Variants in FERMT2 observed in about 807,000 individuals in gnomAD.
FERMT2 encodes the protein fermitin family homolog 2.
In FERMT2, 15 loss-of-function variants were observed where a neutral mutation model predicts 82.7. The ratio of observed to expected loss-of-function variants is 0.18; its 90% confidence interval spans 0.12 to 0.28. FERMT2 has a LOEUF of 0.28. Among genes scored for constraint, FERMT2 ranks in the 10% least tolerant of loss-of-function variants. FERMT2 has a pLI of 1.00. For missense variants in FERMT2, 645 were observed against 809.4 expected, an observed-to-expected ratio of 0.80 and a Z score of 2.46; for synonymous variants, 274 against 271.5, an observed-to-expected ratio of 1.01 and a Z score of -0.09.
rs112525961 is a variant in FERMT2, at chr14:52,950,659, A to G, written c.-9-82T>C. 1.5e-4 allele frequency: 217 copies of G among 1,434,870 alleles called. 1 individual carries two copies. Among genetic ancestry groups the G allele is most frequent in the Non-Finnish European group, 1.9e-4 (201 of 1,042,414 alleles). 88.9% of individuals were successfully genotyped at this position (1,434,870 alleles called of 1,614,324 possible). ...TCCCACCGAATTCGCAGCGCCGGCC[A>G]CGGGCTGGGAGGTGGTGGAGGACCC... On this transcript the variant is annotated intron_variant, in intron 1 of 14. Coordinates refer to ENST00000341590, the MANE Select transcript of FERMT2 (RefSeq NM_006832.3).
chr14:52,892,228 G>A (rs1259835101), intron 4 of FERMT2, among the ~76,000 whole-genome samples: 12 of 137,512 alleles, frequency 8.7e-5, no homozygotes, highest in African/African-American at 2.6e-4. Flanking sequence ...TGCAACCTCC[G>A]CCTCCTGGGT....
intron 4 of FERMT2, among the ~76,000 whole-genome samples, chr14:52,892,555 G>A (rs1887007252): frequency 6.7e-6 from 1 of 150,008 alleles, no homozygotes; most frequent in Admixed American, 6.7e-5. Flanking sequence ...CTTGGGTTCA[G>A]GTGATTCTCC....
intron 2 of FERMT2, among the ~76,000 whole-genome samples, chr14:52,944,714 G>C (rs893502691): frequency 1.3e-5 from 2 of 152,168 alleles, no homozygotes; most frequent in Non-Finnish European, 2.9e-5. Context: ...ATTTTTAGTG[G>C]TAACTTTATT....
At position 52,875,210 on chromosome 14, in the gene FERMT2, A is replaced by AG. The variant is rs1566723310; in HGVS notation, c.1098+12dup. 1.9e-6 allele frequency: 3 copies of AG among 1,591,340 alleles called. No homozygotes were observed. In the South Asian group the frequency reaches 3.5e-5, roughly 18 times the overall value. On this transcript the variant is annotated intron_variant, in intron 8 of 14. Transcript: ENST00000341590. ...AAGCTAAATTAGTAGGTAAAAAAAA[A>AG]GATTCACCCTACCAAAATTGTTGAC...
At position 52,872,929 on chromosome 14, in the gene FERMT2, T is replaced by G. The variant is rs754337793; in HGVS notation, c.1149-6A>C. On this transcript the variant is annotated splice_polypyrimidine_tract_variant and splice_region_variant and intron_variant, in intron 9 of 14. Transcript: ENST00000341590. ...TCAGAGTCAGCTTTTTTGGCCTATG[T>G]ATCAAAGAGAATTAACAACAAAATC... 1.9e-6 allele frequency: 3 copies of G among 1,612,174 alleles called. No individual in the cohort carries two copies. The highest frequency in any genetic ancestry group is 2.5e-6 in the Non-Finnish European group (3 of 1,179,152).
intron 4 of FERMT2, among the ~76,000 whole-genome samples, chr14:52,883,682 C>T (rs949627780): frequency 5.3e-5 from 8 of 152,162 alleles, no homozygotes; most frequent in African/African-American, 1.9e-4. Context: ...CTGCCCAAAT[C>T]GCATGTCTAA....
intron 3 of FERMT2, among the ~76,000 whole-genome samples, chr14:52,901,712 G>C (rs891872744): frequency 6.6e-6 from 1 of 152,184 alleles, no homozygotes; most frequent in Non-Finnish European, 1.5e-5. Context: ...GGGAATCTTA[G>C]TCTTACAATC....
At chr14:52,874,121 C>G (rs938447918) in intron 9 of FERMT2, 56 bp downstream of exon 9, 1 of 1,144,886 alleles carries the variant, frequency 8.7e-7, no homozygotes, top group Admixed American at 2.2e-5. Context: ...ATAATGTGAC[C>G]ATGACTATAA....
In FERMT2 at chr14:52,859,690, T is replaced by A; in HGVS notation, c.1752A>T (p.Glu584Asp). The A allele has an allele frequency of 6.3e-7, 1 of 1,597,404 alleles. No homozygotes were observed. The highest frequency in any genetic ancestry group is 1.1e-5 in the South Asian group (1 of 87,414). The change falls in exon 14 of 15, where the codon GAA becomes GAT. Residue 584 changes from glutamate (E) to aspartate (D), a missense_variant. Glu to Asp is a conservative substitution (Grantham distance 45). Coordinates refer to ENST00000341590, the MANE Select transcript of FERMT2 (RefSeq NM_006832.3). ...GTCTGTTGTATGCAATTCCAATAAGTTCTTCTTTTTTGCCCCCTTGGAACC... is the reference window on the plus strand; with the variant it reads ...GTCTGTTGTATGCAATTCCAATAAGATCTTCTTTTTTGCCCCCTTGGAACC... ...IARFQGGKKE[E>D]LIGIAYNRLI...
At chr14:52,941,184 T>C (rs1890073406) in intron 2 of FERMT2, among the ~76,000 whole-genome samples, 1 of 152,210 alleles carries the variant, frequency 6.6e-6, no homozygotes, top group African/African-American at 2.4e-5. Flanking sequence ...ACATGTATTA[T>C]GCTAAGTGAA....
chr14:52,874,152 T>C (rs1885810232), intron 9 of FERMT2, 25 bp downstream of exon 9: 2 of 1,489,730 alleles, frequency 1.3e-6, no homozygotes, highest in Admixed American at 1.9e-5. Context: ...TATTAATATT[T>C]GGCATCCCTC....
Position 52,905,674 on chromosome 14 carries a change from G to T in FERMT2, c.392-12247C>A, listed in dbSNP as rs1361453614. Among the ~76,000 whole-genome samples, 13 of 152,282 alleles carry T rather than the reference G, an allele frequency of 8.5e-5. No individual in the cohort carries two copies. In the East Asian group the frequency reaches 2.5e-3, roughly 29 times the overall value. ...GAGGGCAATGCTAAGGATTTCTCCC[G>T]TGTGTCTGGTATGTGTACCTGGGAT... On this transcript the variant is annotated intron_variant, in intron 3 of 14. Transcript: ENST00000341590.
intron 2 of FERMT2, among the ~76,000 whole-genome samples, chr14:52,930,449 C>G (rs897730466): frequency 3.3e-5 from 5 of 152,094 alleles, no homozygotes; most frequent in African/African-American, 9.7e-5. Context: ...TATCATAAAG[C>G]CTTTTGCAGA....
intron 2 of FERMT2, among the ~76,000 whole-genome samples, chr14:52,937,213 C>T (rs1333745486): frequency 2.0e-5 from 3 of 151,988 alleles, no homozygotes; most frequent in African/African-American, 7.2e-5. Context: ...CTTTACCTTA[C>T]GACTGCAAAT....
chr14:52,907,015 A>AT (rs1221375434), intron 3 of FERMT2, among the ~76,000 whole-genome samples: 17 of 145,236 alleles, frequency 1.2e-4, no homozygotes, highest in Non-Finnish European at 5.9e-5. Context: ...GGCAAAATTA[A>AT]AAAAAAAATG....
At chr14:52,883,651 A>G (rs1207927501) in intron 4 of FERMT2, among the ~76,000 whole-genome samples, 1 of 152,200 alleles carries the variant, frequency 6.6e-6, no homozygotes, top group African/African-American at 2.4e-5. Context: ...TAAATCACTG[A>G]TATGGTTTGG....
intron 10 of FERMT2, among the ~76,000 whole-genome samples, chr14:52,867,842 C>T (rs1321978737): frequency 6.6e-6 from 1 of 152,084 alleles, no homozygotes; most frequent in Non-Finnish European, 1.5e-5. Flanking sequence ...GAAAAATGAC[C>T]CCACTTCAAC....
chr14:52,923,399 C>T (rs746880015), intron 2 of FERMT2, among the ~76,000 whole-genome samples: 1 of 152,030 alleles, frequency 6.6e-6, no homozygotes, highest in Non-Finnish European at 1.5e-5. Flanking sequence ...ACCTACTATC[C>T]ATACTTAAGA....
In FERMT2 at chr14:52,945,061, T is replaced by C. The variant is rs967090080; in HGVS notation, c.157+5351A>G. Among the ~76,000 whole-genome samples the C allele has an allele frequency of 6.6e-5, 10 of 152,016 alleles. 1 individual carries two copies. In the South Asian group the frequency reaches 1.9e-3, roughly 28 times the overall value. On this transcript the variant is annotated intron_variant, in intron 2 of 14. Transcript: ENST00000341590. ...GACTACAGGTGCGTGCCATCACGCC[T>C]GGCTAATTTTTGTATTTTCTGTTTT...
Sources: allele counts gnomAD v4.1 joint callset (sites outside exome capture counted in the v4.1 genomes callset), GRCh38; gene constraint gnomAD v4.1.1; transcripts MANE v1.5; gene names NCBI Gene and HGNC (gene_info 2026-07-23, HGNC 2026-07-21).